Variants in TOP1MT observed in about 807,000 individuals in gnomAD.
TOP1MT encodes DNA topoisomerase I mitochondrial, also known as DNA topoisomerase I, mitochondrial.
TOP1MT carries 80 observed loss-of-function variants against 73.9 expected under a neutral mutation model. The ratio of observed to expected loss-of-function variants is 1.08; its 90% confidence interval spans 0.90 to 1.30. The LOEUF is 1.30. Among genes scored for constraint, TOP1MT ranks in the 50% most tolerant of loss-of-function variants. The pLI, the probability that TOP1MT is intolerant of heterozygous loss-of-function variation, is 0.00. For missense variants in TOP1MT, 815 were observed against 808.0 expected, an observed-to-expected ratio of 1.01 and a Z score of -0.10; for synonymous variants, 338 against 326.4, an observed-to-expected ratio of 1.04 and a Z score of -0.38.
chr8:143,327,807 G>A, intron 3 of TOP1MT: 2 of 415,762 alleles, frequency 4.8e-6, no homozygotes, highest in Non-Finnish European at 9.5e-6. Flanking sequence ...AGGGGACAAG[G>A]AAGCACAGGC....
intron 8 of TOP1MT, among the ~76,000 whole-genome samples, chr8:143,318,346 C>T (rs992074964): frequency 3.3e-5 from 5 of 152,188 alleles, no homozygotes; most frequent in Admixed American, 2.0e-4. Flanking sequence ...TGGGTGACCG[C>T]GGCAGGTGGC....
upstream of TOP1MT, among the ~76,000 whole-genome samples, chr8:143,336,917 T>C (rs1335056492): frequency 6.6e-6 from 1 of 152,232 alleles, no homozygotes; most frequent in Non-Finnish European, 1.5e-5. Flanking sequence ...CAAACATCAG[T>C]TGTATTTCTA....
At chr8:143,321,454 C>G in intron 7 of TOP1MT, 68 bp from the exon 8 acceptor site, 1 of 794,554 alleles carries the variant, frequency 1.3e-6, no homozygotes, top group Non-Finnish European at 1.6e-6. Flanking sequence ...GCACGCCACA[C>G]ACACGCACGC....
intron 1 of TOP1MT, among the ~76,000 whole-genome samples, chr8:143,332,836 A>G (rs1249163848): frequency 6.6e-6 from 1 of 151,930 alleles, no homozygotes; most frequent in Non-Finnish European, 1.5e-5. Flanking sequence ...CCTGGCCAAC[A>G]TGGCGAAAGT....
At position 143,332,518 on chromosome 8, in the gene TOP1MT, C is replaced by T. The variant is rs1376550158; in HGVS notation, c.123-1179G>A. ...GAGCCAGGAGACCTGCACGTGACCC[C>T]AGCCAGGTAGTGCTGTTGGGGGCCT... On this transcript the variant is annotated intron_variant, in intron 1 of 13. Transcript: ENST00000329245. 6 of 1,289,296 alleles carry T rather than the reference C, an allele frequency of 4.7e-6. No individual in the cohort carries two copies. The East Asian group carries it at 3.3e-4, about 71-fold the overall frequency. 79.9% of individuals were successfully genotyped at this position (1,289,296 alleles called of 1,614,324 possible). A position where few individuals can be genotyped will look rare whatever the true frequency, so the allele number is the denominator to read the frequency against.
intron 3 of TOP1MT, chr8:143,327,880 C>G (rs1816750136): frequency 2.9e-6 from 1 of 340,420 alleles, no homozygotes; most frequent in East Asian, 8.7e-5. Context: ...GGCCTCTACC[C>G]CACACTATAA....
chr8:143,309,669 G>A, intron 13 of TOP1MT, 126 bp from the exon 14 acceptor site: 1 of 1,528,480 alleles, frequency 6.5e-7, no homozygotes, highest in Non-Finnish European at 8.8e-7. Context: ...GGTGTAGCTG[G>A]GACCTGCTCC....
chr8:143,349,676 T>C (rs926061330), upstream of TOP1MT, among the ~76,000 whole-genome samples: 1 of 151,128 alleles, frequency 6.6e-6, no homozygotes, highest in African/African-American at 2.4e-5. Context: ...AGTCTTGCTC[T>C]GTCACCCAGG....
At chr8:143,322,697 ACG>A (rs1491247244) in intron 7 of TOP1MT, among the ~76,000 whole-genome samples, 1 of 50,018 alleles carries the variant, frequency 2.0e-5, no homozygotes, top group Non-Finnish European at 3.4e-5. Context: ...CGCACGCCAC[ACG>A]CACGCCACAC....
chr8:143,329,867 G>A (rs1816806978), intron 2 of TOP1MT, among the ~76,000 whole-genome samples: 1 of 152,146 alleles, frequency 6.6e-6, no homozygotes, highest in Non-Finnish European at 1.5e-5. Flanking sequence ...ATAACTAGGT[G>A]TACCCTTTTA....
chr8:143,312,836 T>C (rs1352798907), intron 12 of TOP1MT, among the ~76,000 whole-genome samples: 2 of 152,246 alleles, frequency 1.3e-5, no homozygotes, highest in Non-Finnish European at 2.9e-5. Flanking sequence ...ATACTTTTAA[T>C]CTCAGAGCTC....
In TOP1MT at chr8:143,325,205, G is replaced by T. The variant is rs1266884674; in HGVS notation, c.671+141C>A. 7.4e-6 allele frequency: 6 copies of T among 808,298 alleles called. No individual in the cohort carries two copies. The East Asian group carries it at 1.4e-4, about 18-fold the overall frequency. The allele number at this position is 808,298 out of a possible 1,614,324, so 50.1% of individuals were successfully genotyped here. A position where few individuals can be genotyped will look rare whatever the true frequency, so the allele number is the denominator to read the frequency against. On this transcript the variant is annotated intron_variant, in intron 5 of 13. Transcript: ENST00000329245. ...CGCCCTTGCCCGGCCACGCCTACAG[G>T]CTGAGCTCCACAGGAATGGTGTGGG...
chr8:143,323,707 CCA>C (rs1175996129), intron 7 of TOP1MT, among the ~76,000 whole-genome samples: 1 of 88,402 alleles, frequency 1.1e-5, no homozygotes, highest in African/African-American at 2.9e-5. Context: ...CACAGGCACA[CCA>C]CACACATGCA....
chr8:143,347,825 C>T (rs1215485527), upstream of TOP1MT, among the ~76,000 whole-genome samples: 1 of 152,190 alleles, frequency 6.6e-6, no homozygotes, highest in Non-Finnish European at 1.5e-5. Context: ...TGCGGGACCA[C>T]CGCTTTGAGC....
upstream of TOP1MT, among the ~76,000 whole-genome samples, chr8:143,348,324 C>G (rs569081874): frequency 6.6e-6 from 1 of 152,266 alleles, no homozygotes; most frequent in African/African-American, 2.4e-5. The surrounding 1 kb of genome is among the most constrained non-coding windows in gnomAD (Gnocchi z 4.6). Context: ...CCACCTGGGG[C>G]AACAAGAGAA....
At chr8:143,314,037 C>A (rs1236216447) in intron 12 of TOP1MT, among the ~76,000 whole-genome samples, 1 of 152,124 alleles carries the variant, frequency 6.6e-6, no homozygotes, top group Non-Finnish European at 1.5e-5. Flanking sequence ...GCACCCACGG[C>A]CAGACGCTCC....
chr8:143,321,708 T>TGCCACACACGCACGCCACACACAGGTAC (rs1816388713), intron 7 of TOP1MT, among the ~76,000 whole-genome samples: 1 of 28,800 alleles, frequency 3.5e-5, no homozygotes, highest in African/African-American at 1.9e-4. Flanking sequence ...CACGCACACA[T>TGCCACACACGCACGCCACACACAGGTAC]GCCACACACG....
In TOP1MT at chr8:143,325,380, T is replaced by A; in HGVS notation, c.637A>T (p.Ile213Phe). Residue 213 changes from isoleucine (I) to phenylalanine (F), a missense_variant, in exon 5 of 14, where the codon ATC (isoleucine) becomes TTC (phenylalanine). Around this residue, in one of 3 missense-constraint regions of TOP1MT, gnomAD observed 751 missense variants for 725.4 expected, o/e 1.04. Coordinates refer to ENST00000329245, the MANE Select transcript of TOP1MT (RefSeq NM_052963.3). ...HPKMGMLKRR[I>F]TPEDVVINCS... ...TTGATAACCACATCCTCTGGCGTGA[T>A]CCTTCTCTTCAGCATCCCCATCTTG... 1 of 1,606,522 alleles carries A rather than the reference T, an allele frequency of 6.2e-7. No individual in the cohort carries two copies.
chr8:143,341,740 C>G lies in TOP1MT; in HGVS notation c.29+1480G>C, dbSNP rs1387148452. 6.6e-6 allele frequency among the ~76,000 whole-genome samples: 1 copy of G among 152,200 alleles called. No individual in the cohort carries two copies. The highest frequency in any genetic ancestry group is 2.1e-4 in the South Asian group (1 of 4,834). On this transcript the variant is annotated intron_variant, in intron 2 of 5. Transcript: ENST00000518007. This position sits in a 1 kb window ranked among gnomAD's most constrained non-coding sequence, Gnocchi z 4.1. ...AACAGGCCATACTGCCAGCGTCCACCCTGACCCAGACACAAAACACCAGAA... is the reference window on the plus strand; with the variant it reads ...AACAGGCCATACTGCCAGCGTCCACGCTGACCCAGACACAAAACACCAGAA...
Sources: allele counts gnomAD v4.1 joint callset (sites outside exome capture counted in the v4.1 genomes callset), GRCh38; gene constraint gnomAD v4.1.1; regional missense constraint gnomAD v4.1.1; non-coding constraint Gnocchi (gnomAD v3.1); transcripts MANE v1.5; gene names NCBI Gene and HGNC (gene_info 2026-07-23, HGNC 2026-07-21).